Variants in ROCK2 observed in about 807,000 individuals in gnomAD.
ROCK2 encodes the protein rho-associated protein kinase 2.
Under a neutral mutation model 195.1 loss-of-function variants are expected in ROCK2, and 61 were observed. The ratio of observed to expected loss-of-function variants is 0.31; its 90% CI spans 0.25 to 0.39. The LOEUF (loss-of-function observed/expected upper bound fraction) is 0.39, where lower values mean the gene tolerates loss of function less well. ROCK2 is among the 10% of genes least tolerant of loss of function. The pLI is 1.00. For missense variants in ROCK2, 1,109 were observed against 1,637.4 expected, an observed-to-expected ratio of 0.68 and a Z score of 5.57; for synonymous variants, 504 against 545.5, an observed-to-expected ratio of 0.92 and a Z score of 1.06.
Position 11,344,226 on chromosome 2 carries a change from C to A in ROCK2, c.-90G>T, listed in dbSNP as rs1669207840. 7.6e-7 allele frequency: 1 copy of A among 1,323,182 alleles called. No individual in the cohort carries two copies. 82.0% of individuals were successfully genotyped at this position (1,323,182 alleles called of 1,614,324 possible). Reference sequence around the variant, plus strand: ...ACCGCCCCCGAACCACCAGCTCCGGCCGGGACTCCACCCGGGCCCACCGCC... The same window carrying A: ...ACCGCCCCCGAACCACCAGCTCCGGACGGGACTCCACCCGGGCCCACCGCC... On this transcript the variant is annotated 5_prime_UTR_variant, in exon 1 of 33. Transcript: ENST00000315872. This position sits in a 1 kb window ranked among gnomAD's most constrained non-coding sequence, Gnocchi z 5.4.
chr2:11,214,699 G>C (rs540707180), intron 16 of ROCK2, 141 bp downstream of exon 16: 36 of 823,386 alleles, frequency 4.4e-5, no homozygotes, highest in Non-Finnish European at 6.2e-5. Flanking sequence ...CTAAAATTTT[G>C]TATCAGTGTA....
At chr2:11,243,983 C>T (rs776447368) in intron 4 of ROCK2, among the ~76,000 whole-genome samples, 61 of 152,096 alleles carry the variant, frequency 4.0e-4, no homozygotes, top group Non-Finnish European at 2.8e-4. Context: ...AATTATAGTA[C>T]GTGGCAATAC....
chr2:11,200,830 G>C (rs1663825073), intron 23 of ROCK2, 127 bp downstream of exon 23: 1 of 756,524 alleles, frequency 1.3e-6, no homozygotes, highest in South Asian at 3.2e-5. Flanking sequence ...CAGTTAACTA[G>C]ATTAAAAATC....
In ROCK2 at chr2:11,195,202, A is replaced by C. The variant is rs114558688; in HGVS notation, c.3449-177T>G. ...CAGGATCAGTAGTAAAAAGTTATGCAATGCAAAACAAAATCCAGGTTATAT... is the reference window on the plus strand; with the variant it reads ...CAGGATCAGTAGTAAAAAGTTATGCCATGCAAAACAAAATCCAGGTTATAT... On this transcript the variant is annotated intron_variant, in intron 27 of 32. Coordinates refer to ENST00000315872, the MANE Select transcript of ROCK2 (RefSeq NM_004850.5). 1,604 of 370,942 alleles carry C rather than the reference A, an allele frequency of 4.3e-3. 22 individuals are homozygous for C. The highest frequency in any genetic ancestry group is 0.031 in the African/African-American group (1,469 of 47,914). The allele number at this position is 370,942 out of a possible 1,614,324, so 23.0% of individuals were successfully genotyped here. A position where few individuals can be genotyped will look rare whatever the true frequency, so the allele number is the denominator to read the frequency against.
intron 3 of ROCK2, among the ~76,000 whole-genome samples, chr2:11,277,241 T>C (rs1306208003): frequency 1.3e-5 from 2 of 152,234 alleles, no homozygotes; most frequent in South Asian, 2.1e-4. Flanking sequence ...TCCACCAATA[T>C]GGTAACAGAC....
chr2:11,276,006 C>T (rs1025154726), intron 3 of ROCK2, among the ~76,000 whole-genome samples: 1 of 152,086 alleles, frequency 6.6e-6, no homozygotes, highest in African/African-American at 2.4e-5. Flanking sequence ...TGCCTCAACA[C>T]TCTTTCATGA....
intron 1 of ROCK2, among the ~76,000 whole-genome samples, chr2:11,310,358 A>C (rs1667994368): frequency 6.6e-6 from 1 of 152,176 alleles, no homozygotes. Flanking sequence ...TTGGGTTCAA[A>C]GTCAAGCAGT....
In ROCK2 at chr2:11,321,285, C is replaced by T. The variant is rs562107519; in HGVS notation, c.141+22711G>A. Among the ~76,000 whole-genome samples the T allele has an allele frequency of 4.6e-5, 7 of 152,204 alleles. No individual in the cohort carries two copies. In the South Asian group the frequency reaches 1.0e-3, roughly 23 times the overall value. On this transcript the variant is annotated intron_variant, in intron 1 of 32. Coordinates refer to ENST00000315872, the MANE Select transcript of ROCK2 (RefSeq NM_004850.5). ...CCGCCTCCAACGTTCAAGCGATTTTCGTGCCTCAGCCTCCCGAGTAGCTGG... is the reference window on the plus strand; with the variant it reads ...CCGCCTCCAACGTTCAAGCGATTTTTGTGCCTCAGCCTCCCGAGTAGCTGG...
In ROCK2 at chr2:11,192,112, C is replaced by CT. The variant is rs748832043; in HGVS notation, c.4163+35dup. 39,728 of 1,034,026 alleles carry CT rather than the reference C, an allele frequency of 0.038. 22 individuals carry two copies. Among genetic ancestry groups the CT allele is most frequent in the African/African-American group, 0.046 (2,747 of 60,138 alleles). 64.1% of individuals were successfully genotyped at this position (1,034,026 alleles called of 1,614,324 possible). On this transcript the variant is annotated intron_variant, in intron 32 of 32. Transcript: ENST00000315872. The surrounding 1 kb of genome is among the most constrained non-coding windows in gnomAD (Gnocchi z 5.0). ...ATAAATAGCAAAATATTTTAATAGACTTTTTTTTTTTCCTTACCACATTTT... is the reference window on the plus strand; with the variant it reads ...ATAAATAGCAAAATATTTTAATAGACTTTTTTTTTTTTCCTTACCACATTTT...
chr2:11,233,622 T>C (rs564424063), intron 5 of ROCK2, among the ~76,000 whole-genome samples: 20 of 151,414 alleles, frequency 1.3e-4, no homozygotes, highest in Middle Eastern at 3.4e-3. Context: ...ATAAGGTAAA[T>C]TGATTGATAG....
intron 23 of ROCK2, 109 bp from the exon 24 acceptor site, chr2:11,198,883 C>CTTTTTTTTTTT: frequency 2.2e-6 from 1 of 451,626 alleles, no homozygotes; most frequent in Non-Finnish European, 3.8e-6. Flanking sequence ...TCTTATTTTT[C>CTTTTTTTTTTT]TTTTTTTTTT....
chr2:11,183,934 T>C (rs1289425790), intron 32 of ROCK2, among the ~76,000 whole-genome samples: 1 of 151,546 alleles, frequency 6.6e-6, no homozygotes, highest in Non-Finnish European at 1.5e-5. Context: ...TATAAATAGA[T>C]ACCAGTACTA....
intron 1 of ROCK2, among the ~76,000 whole-genome samples, chr2:11,336,334 C>CA (rs1668927403): frequency 2.0e-5 from 3 of 152,220 alleles, no homozygotes; most frequent in Admixed American, 2.0e-4. Flanking sequence ...CACTCAGTCT[C>CA]AAACTCCTGG....
intron 3 of ROCK2, among the ~76,000 whole-genome samples, chr2:11,284,514 C>CTATACCT (rs1667119802): frequency 6.6e-6 from 1 of 152,130 alleles, no homozygotes; most frequent in Admixed American, 6.5e-5. Context: ...TGGGACATCT[C>CTATACCT]TATACCTTCC....
chr2:11,236,249 C>G (rs1665199672), intron 4 of ROCK2, among the ~76,000 whole-genome samples: 1 of 151,480 alleles, frequency 6.6e-6, no homozygotes, highest in Non-Finnish European at 1.5e-5. Flanking sequence ...AAGAAAGAAA[C>G]AAACAGGAAT....
chr2:11,208,459 A>G lies in ROCK2; in HGVS notation c.2204-12T>C. 7.0e-7 allele frequency: 1 copy of G among 1,421,030 alleles called. No homozygotes were observed. Among genetic ancestry groups the G allele is most frequent in the Admixed American group, 2.2e-5 (1 of 44,818 alleles). 88.0% of individuals were successfully genotyped at this position (1,421,030 alleles called of 1,614,324 possible). On this transcript the variant is annotated splice_polypyrimidine_tract_variant and intron_variant, in intron 18 of 32. Transcript: ENST00000315872. Reference sequence around the variant, plus strand: ...CTTCTTCTCCATTTCTAGTATAATAAAAATGGACACAATCATAAATTTACA... The same window carrying G: ...CTTCTTCTCCATTTCTAGTATAATAGAAATGGACACAATCATAAATTTACA...
intron 18 of ROCK2, among the ~76,000 whole-genome samples, 194 bp from the exon 19 acceptor site, chr2:11,208,641 A>T (rs1249156887): frequency 2.8e-5 from 4 of 141,190 alleles, no homozygotes; most frequent in African/African-American, 1.0e-4. Flanking sequence ...TCTGTTGCCC[A>T]GGCCGGAGTG....
intron 3 of ROCK2, among the ~76,000 whole-genome samples, chr2:11,276,338 T>C (rs888414294): frequency 6.6e-6 from 1 of 152,218 alleles, no homozygotes; most frequent in African/African-American, 2.4e-5. Flanking sequence ...AATTGCGGCA[T>C]ACAAAGTCAA....
intron 1 of ROCK2, among the ~76,000 whole-genome samples, chr2:11,315,552 C>T (rs1668166048): frequency 6.6e-6 from 1 of 151,880 alleles, no homozygotes; most frequent in Admixed American, 6.6e-5. Context: ...TTCTGTAATA[C>T]ATCTGTTACT....
Sources: allele counts gnomAD v4.1 joint callset (sites outside exome capture counted in the v4.1 genomes callset), GRCh38; gene constraint gnomAD v4.1.1; non-coding constraint Gnocchi (gnomAD v3.1); transcripts MANE v1.5; gene names NCBI Gene and HGNC (gene_info 2026-07-23, HGNC 2026-07-21).